Variants in LRRC1 observed in about 807,000 individuals in gnomAD.
LRRC1 encodes leucine-rich repeat-containing protein 1.
Under a neutral mutation model 69.9 loss-of-function variants are expected in LRRC1, and 28 were observed. The observed-to-expected ratio is 0.40, with a 90% CI of 0.30 to 0.55. The LOEUF (loss-of-function observed/expected upper bound fraction) is 0.55. Among genes scored for constraint, LRRC1 ranks in the 20% least tolerant of loss-of-function variants. The pLI, the probability that LRRC1 is intolerant of heterozygous loss-of-function variation, is 0.47. For synonymous variants in LRRC1, 236 were observed against 240.2 expected (o/e 0.98, Z 0.16); for missense variants, 498 against 609.0 (o/e 0.82, Z 1.92).
At chr6:53,839,660 T>G (rs879413977) in intron 1 of LRRC1, among the ~76,000 whole-genome samples, 1 of 152,198 alleles carries the variant, frequency 6.6e-6, no homozygotes, top group Admixed American at 6.5e-5. Context: ...GCTTTAGTTC[T>G]TACAGTTTCT....
At chr6:53,813,427 G>C (rs1764854760) in intron 1 of LRRC1, among the ~76,000 whole-genome samples, 1 of 152,008 alleles carries the variant, frequency 6.6e-6, no homozygotes, top group Non-Finnish European at 1.5e-5. Flanking sequence ...GCTAGTTATA[G>C]ACAAACCTGT....
intron 2 of LRRC1, among the ~76,000 whole-genome samples, chr6:53,873,881 G>A (rs542588164): frequency 6.6e-6 from 1 of 152,268 alleles, no homozygotes; most frequent in African/African-American, 2.4e-5. Context: ...TTGTGGGTTT[G>A]TCATAAGTGG....
chr6:53,867,483 A>G (rs967386269), intron 2 of LRRC1, among the ~76,000 whole-genome samples: 21 of 151,330 alleles, frequency 1.4e-4, no homozygotes, highest in African/African-American at 4.7e-4. Context: ...AAATAATGAT[A>G]GCTTAGAGTG....
chr6:53,873,618 T>G (rs1766972173), intron 2 of LRRC1, among the ~76,000 whole-genome samples: 1 of 152,156 alleles, frequency 6.6e-6, no homozygotes, highest in Non-Finnish European at 1.5e-5. Context: ...TACTGATTTT[T>G]CTATGTTGAA....
In LRRC1 at chr6:53,801,730, A is replaced by G. The variant is rs529589625; in HGVS notation, c.159+6315A>G. On this transcript the variant is annotated intron_variant, in intron 1 of 13. Coordinates refer to ENST00000370888, the MANE Select transcript of LRRC1 (RefSeq NM_018214.5). ...GGAGATTAGAGTCTCTGGTTAAGAA[A>G]CATTTAGTGAGTATCTGTGACATAT... is the stretch of plus-strand genomic sequence containing the variant. Among the ~76,000 whole-genome samples, 8 of 152,286 alleles carry G rather than the reference A, an allele frequency of 5.3e-5. No individual in the cohort carries two copies. The East Asian group carries it at 1.5e-3, about 29-fold the overall frequency.
intron 4 of LRRC1, among the ~76,000 whole-genome samples, chr6:53,895,269 A>G (rs543699579): frequency 6.6e-6 from 1 of 152,334 alleles, no homozygotes; most frequent in East Asian, 1.9e-4. Flanking sequence ...TGCTTTAAGT[A>G]TGAAAATTAT....
chr6:53,821,697 TC>T (rs1286186286), intron 1 of LRRC1, among the ~76,000 whole-genome samples: 1 of 152,214 alleles, frequency 6.6e-6, no homozygotes, highest in East Asian at 1.9e-4. Context: ...CTTGTCCCCT[TC>T]CCAGATTATT....
At chr6:53,865,563 T>A (rs1014844860) in intron 2 of LRRC1, among the ~76,000 whole-genome samples, 4 of 152,058 alleles carry the variant, frequency 2.6e-5, no homozygotes, top group African/African-American at 9.7e-5. Context: ...AGGGTACTAT[T>A]TGTTTATGCC....
chr6:53,877,283 G>A (rs552298945), intron 2 of LRRC1, among the ~76,000 whole-genome samples: 2 of 152,244 alleles, frequency 1.3e-5, no homozygotes, highest in South Asian at 2.1e-4. Context: ...ACCCTGGACC[G>A]GGCCCAGGAA....
intron 1 of LRRC1, among the ~76,000 whole-genome samples, chr6:53,804,687 A>G (rs1246100767): frequency 1.3e-5 from 2 of 152,216 alleles, no homozygotes; most frequent in Non-Finnish European, 2.9e-5. Context: ...ATTCTTTGCA[A>G]TGATGAGCCA....
intron 10 of LRRC1, among the ~76,000 whole-genome samples, chr6:53,910,005 T>G (rs1768360500): frequency 6.6e-6 from 1 of 152,148 alleles, no homozygotes; most frequent in South Asian, 2.1e-4. Context: ...ATCTCCTCCT[T>G]GGGTGAGCTA....
At chr6:53,840,447 A>G (rs1401860809) in intron 1 of LRRC1, among the ~76,000 whole-genome samples, 19 of 152,068 alleles carry the variant, frequency 1.2e-4, no homozygotes, top group Admixed American at 1.2e-3. Flanking sequence ...ATCTTATGGT[A>G]TGCCTTGGTA....
chr6:53,865,298 T>G (rs1766662039), intron 2 of LRRC1, among the ~76,000 whole-genome samples: 1 of 152,126 alleles, frequency 6.6e-6, no homozygotes, highest in East Asian at 1.9e-4. Flanking sequence ...ATGAGAAGCA[T>G]GAGAAGGAAA....
intron 1 of LRRC1, among the ~76,000 whole-genome samples, chr6:53,803,967 A>G (rs9382239): frequency 1.3e-5 from 2 of 151,912 alleles, no homozygotes; most frequent in African/African-American, 4.8e-5. Flanking sequence ...CCTGAGTCAA[A>G]TGAGCAGTTG....
chr6:53,836,553 T>C (rs1581863095), intron 1 of LRRC1, among the ~76,000 whole-genome samples: 1 of 152,332 alleles, frequency 6.6e-6, no homozygotes, highest in East Asian at 1.9e-4. Flanking sequence ...TTTAATATTA[T>C]TAACTTTGAT....
chr6:53,896,626 A>G (rs1366845295), intron 5 of LRRC1, 72 bp downstream of exon 5: 2 of 1,375,652 alleles, frequency 1.5e-6, no homozygotes, highest in East Asian at 2.3e-5. Flanking sequence ...ACAGGACTAC[A>G]GTATTACGTG....
chr6:53,901,486 C>CGGTGAG (rs545071040), intron 8 of LRRC1, among the ~76,000 whole-genome samples: 103 of 151,272 alleles, frequency 6.8e-4, no homozygotes, highest in African/African-American at 2.4e-3. Context: ...TTTGAGGCTG[C>CGGTGAG]GGTGAGCCGT....
intron 1 of LRRC1, among the ~76,000 whole-genome samples, chr6:53,840,953 C>T (rs570727673): frequency 6.8e-6 from 1 of 146,546 alleles, no homozygotes; most frequent in East Asian, 2.1e-4. Context: ...CTCTTTCTTG[C>T]ATGTGGCAGT....
chr6:53,900,431 T>C (rs1768024082), intron 8 of LRRC1, among the ~76,000 whole-genome samples: 1 of 152,228 alleles, frequency 6.6e-6, no homozygotes, highest in South Asian at 2.1e-4. Context: ...GCTTGGTATC[T>C]ATTACTGCTG....
Sources: allele counts gnomAD v4.1 joint callset (sites outside exome capture counted in the v4.1 genomes callset), GRCh38; gene constraint gnomAD v4.1.1; transcripts MANE v1.5; gene names NCBI Gene and HGNC (gene_info 2026-07-23, HGNC 2026-07-21).